Variants in RNF144A observed in about 807,000 individuals in gnomAD.
RNF144A encodes ring finger protein 144A.
A neutral mutation model predicts 38.7 loss-of-function variants in RNF144A; 11 were observed. That is an observed-to-expected ratio of 0.28 (90% confidence interval 0.18 to 0.47). The LOEUF is 0.47. Ranked by LOEUF, RNF144A falls within the 20% of genes least tolerant of loss-of-function variation. RNF144A has a pLI of 0.99. For synonymous variants in RNF144A, 149 were observed against 143.9 expected (o/e 1.04, Z -0.25); for missense variants, 316 against 377.2 (o/e 0.84, Z 1.34).
chr2:6,940,221 T>G (rs1016777837), intron 1 of RNF144A, among the ~76,000 whole-genome samples: 1 of 152,216 alleles, frequency 6.6e-6, no homozygotes, highest in Non-Finnish European at 1.5e-5. Context: ...GGGATGTCTA[T>G]TTTTTAGGGC....
At chr2:7,030,605 A>G (rs979941589) in intron 8 of RNF144A, among the ~76,000 whole-genome samples, 1 of 152,114 alleles carries the variant, frequency 6.6e-6, no homozygotes, top group African/African-American at 2.4e-5. Context: ...TAAGCAAGGT[A>G]GTAACAGGAA....
chr2:7,041,215 A>G lies in RNF144A; in HGVS notation c.*1455A>G, dbSNP rs1187173180. The G allele has an allele frequency of 7.1e-6, 7 of 985,080 alleles. No individual in the cohort carries two copies. Among genetic ancestry groups the G allele is most frequent in the Non-Finnish European group, 8.4e-6 (7 of 829,668 alleles). The allele number at this position is 985,080 out of a possible 1,614,324, so 61.0% of individuals were successfully genotyped here. A position where few individuals can be genotyped will look rare whatever the true frequency, so the allele number is the denominator to read the frequency against. ...AAAACAAAATCCTTTTATCTCAGTTATTTGCCCATCACAAGCACATTTTTA... is the reference window on the plus strand; with the variant it reads ...AAAACAAAATCCTTTTATCTCAGTTGTTTGCCCATCACAAGCACATTTTTA... On this transcript the variant is annotated 3_prime_UTR_variant, in exon 9 of 9. Coordinates refer to ENST00000320892, the MANE Select transcript of RNF144A (RefSeq NM_014746.6).
chr2:6,977,572 T>C (rs1156866434), intron 2 of RNF144A, among the ~76,000 whole-genome samples: 1 of 152,252 alleles, frequency 6.6e-6, no homozygotes, highest in Non-Finnish European at 1.5e-5. Context: ...GTTGATATTA[T>C]ATGGGCATAA....
intron 6 of RNF144A, among the ~76,000 whole-genome samples, chr2:7,058,207 AAAGT>A (rs1238666273): frequency 6.6e-6 from 1 of 152,162 alleles, no homozygotes; most frequent in Non-Finnish European, 1.5e-5. Context: ...ACATGAACAA[AAAGT>A]AGGAATTAGA....
At position 6,995,049 on chromosome 2, in the gene RNF144A, C is replaced by G. The variant is rs374113729; in HGVS notation, c.-11-1867C>G. ...CTTCTGGGCCAGACGTGTCTTCTCC[C>G]TCCTGGTAGAATTCTCCCTCCATGT... On this transcript the variant is annotated intron_variant, in intron 2 of 8. Transcript: ENST00000320892. Among the ~76,000 whole-genome samples the G allele has an allele frequency of 2.9e-4, 44 of 152,262 alleles. No individual in the cohort carries two copies. In the East Asian group the frequency reaches 7.2e-3, roughly 25 times the overall value.
chr2:6,936,844 A>AGT (rs55971680), intron 1 of RNF144A, among the ~76,000 whole-genome samples: 11,267 of 143,932 alleles, frequency 0.078, 432 homozygotes, highest in East Asian at 0.12. Context: ...CACACACAGT[A>AGT]GTGTGTGTGT....
At chr2:6,960,146 G>A (rs1667247831) in intron 2 of RNF144A, among the ~76,000 whole-genome samples, 4 of 152,236 alleles carry the variant, frequency 2.6e-5, no homozygotes, top group Admixed American at 2.6e-4. Context: ...GGGAAACATG[G>A]GTGGAGGAAA....
intron 1 of RNF144A, among the ~76,000 whole-genome samples, chr2:6,938,971 A>C (rs1665785970): frequency 6.6e-6 from 1 of 151,250 alleles, no homozygotes; most frequent in Admixed American, 6.6e-5. Flanking sequence ...TTTTTTTTTT[A>C]GACATTCACT....
chr2:6,987,947 T>C (rs901618689), intron 2 of RNF144A, among the ~76,000 whole-genome samples: 1 of 152,226 alleles, frequency 6.6e-6, no homozygotes, highest in African/African-American at 2.4e-5. Flanking sequence ...CCCTTCTGTG[T>C]ACCTTTCTTG....
At chr2:6,995,365 G>A (rs1357612671) in intron 2 of RNF144A, among the ~76,000 whole-genome samples, 2 of 152,126 alleles carry the variant, frequency 1.3e-5, no homozygotes, top group African/African-American at 4.8e-5. Flanking sequence ...GAAGGGGAGT[G>A]TATTTGTTAG....
Position 7,020,556 on chromosome 2 carries a change from AC to A in RNF144A, c.391del (p.Gln131SerfsTer71). The A allele has an allele frequency of 6.2e-7, 1 of 1,612,544 alleles. No homozygotes were observed. ...TCAGCTCCAGGACGTGGGGCTGCAG[AC>A]CCCCCAGCCAGTGCAGTGCAAAGCC... ...VCQLQDVGLQ[T>X]PQPVQCKACR... On this transcript the variant is annotated frameshift_variant, in exon 6 of 9. Coordinates refer to ENST00000320892, the MANE Select transcript of RNF144A (RefSeq NM_014746.6). LOFTEE classifies it high-confidence loss of function.
intron 1 of RNF144A, among the ~76,000 whole-genome samples, chr2:6,939,585 A>T (rs1204388745): frequency 6.6e-6 from 1 of 152,198 alleles, no homozygotes; most frequent in Non-Finnish European, 1.5e-5. Context: ...GTGATGAATT[A>T]CAATGTATCT....
chr2:7,048,578 G>A (rs146544872), downstream of RNF144A, among the ~76,000 whole-genome samples: 135 of 152,328 alleles, frequency 8.9e-4, no homozygotes, highest in Non-Finnish European at 1.5e-3. Flanking sequence ...ACAGTGCTCA[G>A]AGGAGCCTCC....
intron 2 of RNF144A, among the ~76,000 whole-genome samples, chr2:6,945,500 T>G (rs1049958614): frequency 6.6e-6 from 1 of 152,236 alleles, no homozygotes; most frequent in Non-Finnish European, 1.5e-5. Context: ...TGAGCCTTCC[T>G]GGTGTTTATA....
chr2:7,007,323 T>A (rs530350191), intron 3 of RNF144A, among the ~76,000 whole-genome samples: 2 of 152,350 alleles, frequency 1.3e-5, no homozygotes, highest in African/African-American at 4.8e-5. Context: ...AATTCAGATC[T>A]TCCCAACAGA....
intron 2 of RNF144A, among the ~76,000 whole-genome samples, chr2:6,991,125 T>G (rs1669343171): frequency 6.6e-6 from 1 of 152,264 alleles, no homozygotes. Flanking sequence ...CAGTTACGGC[T>G]GAGCTGCTAT....
intron 2 of RNF144A, among the ~76,000 whole-genome samples, chr2:6,978,471 CA>C (rs1668439995): frequency 6.6e-6 from 1 of 152,162 alleles, no homozygotes; most frequent in Non-Finnish European, 1.5e-5. Flanking sequence ...GGTAAAAACC[CA>C]AGTTCGAACG....
intron 2 of RNF144A, among the ~76,000 whole-genome samples, chr2:6,995,457 C>T (rs1023786444): frequency 4.6e-5 from 7 of 152,110 alleles, no homozygotes; most frequent in Non-Finnish European, 5.9e-5. Flanking sequence ...CACACGATCA[C>T]GACGTGAGGT....
At chr2:7,044,513 C>T (rs1673224409), downstream of RNF144A, among the ~76,000 whole-genome samples, 1 of 152,180 alleles carries the variant, frequency 6.6e-6, no homozygotes, top group Non-Finnish European at 1.5e-5. Context: ...CATCTCATCC[C>T]CACTCAGGGC....
Sources: allele counts gnomAD v4.1 joint callset (sites outside exome capture counted in the v4.1 genomes callset), GRCh38; gene constraint gnomAD v4.1.1; transcripts MANE v1.5; gene names NCBI Gene and HGNC (gene_info 2026-07-23, HGNC 2026-07-21).